ARK2C: variants seen among roughly 807,000 people sequenced by gnomAD.
ARK2C encodes the protein arkadia (RNF111) C-terminal like ring finger ubiquitin ligase 2C.
chr18:46,406,171 C>A, the ARK2C span, among the ~76,000 whole-genome samples: 2 of 152,190 alleles, frequency 1.3e-5, no homozygotes, highest in South Asian at 2.1e-4. Context: ...CCCATGTGCA[C>A]CCCCAATACG....
At chr18:46,339,013 T>C in the ARK2C span, among the ~76,000 whole-genome samples, 13 of 152,192 alleles carry the variant, frequency 8.5e-5, no homozygotes, top group Non-Finnish European at 1.8e-4. Context: ...TCTCGTGCTC[T>C]TCCCAGCCTG....
chr18:46,447,706 G>A, the ARK2C span: 140 of 1,614,088 alleles, frequency 8.7e-5, 1 homozygote, highest in African/African-American at 1.7e-3. Flanking sequence ...AGTGAAAGAA[G>A]ACGGACTCCC....
At chr18:46,361,006 T>C in the ARK2C span, among the ~76,000 whole-genome samples, 2 of 152,230 alleles carry the variant, frequency 1.3e-5, no homozygotes, top group East Asian at 3.8e-4. Context: ...ACATTACCTT[T>C]TCTGCAAGTG....
At chr18:46,369,262 C>G in the ARK2C span, among the ~76,000 whole-genome samples, 1 of 152,106 alleles carries the variant, frequency 6.6e-6, no homozygotes, top group Admixed American at 6.6e-5. Context: ...TTCAAGGTGG[C>G]AGCATCCATC....
chr18:46,449,843 G>T, the ARK2C span, among the ~76,000 whole-genome samples: 1 of 152,106 alleles, frequency 6.6e-6, no homozygotes, highest in African/African-American at 2.4e-5. Context: ...CTTCATAGCA[G>T]AGTGAGAATG....
chr18:46,352,844 C>T, the ARK2C span, among the ~76,000 whole-genome samples: 2 of 152,196 alleles, frequency 1.3e-5, no homozygotes, highest in Non-Finnish European at 2.9e-5. Flanking sequence ...AAGGAGAGAA[C>T]AGATAATGGG....
chr18:46,454,582 G>C, the ARK2C span, among the ~76,000 whole-genome samples: 2 of 152,220 alleles, frequency 1.3e-5, no homozygotes, highest in African/African-American at 4.8e-5. Flanking sequence ...TGAGGTTACA[G>C]TATTCCCCAG....
chr18:46,392,047 C>T, the ARK2C span, among the ~76,000 whole-genome samples: 2 of 151,550 alleles, frequency 1.3e-5, no homozygotes, highest in Admixed American at 1.3e-4. Context: ...ATAATACATA[C>T]AACACACACA....
At chr18:46,412,500 T>C in the ARK2C span, among the ~76,000 whole-genome samples, 1 of 152,230 alleles carries the variant, frequency 6.6e-6, no homozygotes, top group Admixed American at 6.5e-5. Flanking sequence ...TGCTAGGAGA[T>C]GAGCCTCATA....
chr18:46,336,538 A>T, the ARK2C span: 1 of 985,456 alleles, frequency 1.0e-6, no homozygotes, highest in Non-Finnish European at 1.2e-6. Flanking sequence ...CCGATAGAGG[A>T]TACTAATGCT....
At chr18:46,383,505 A>G in the ARK2C span, among the ~76,000 whole-genome samples, 4 of 149,766 alleles carry the variant, frequency 2.7e-5, no homozygotes, top group East Asian at 7.9e-4. Flanking sequence ...TTGGTATTAT[A>G]TTCTCCATTG....
At chr18:46,344,544 G>A in the ARK2C span, among the ~76,000 whole-genome samples, 29 of 152,280 alleles carry the variant, frequency 1.9e-4, no homozygotes, top group East Asian at 4.1e-3. Context: ...CACCCCCAGC[G>A]TGGAGACACT....
chr18:46,445,396 A>T, the ARK2C span, among the ~76,000 whole-genome samples: 1 of 152,134 alleles, frequency 6.6e-6, no homozygotes, highest in Non-Finnish European at 1.5e-5. Flanking sequence ...TGGAATATGA[A>T]TCTTTCCCAG....
At chr18:46,414,182 T>A in the ARK2C span, among the ~76,000 whole-genome samples, 1 of 152,232 alleles carries the variant, frequency 6.6e-6, no homozygotes, top group East Asian at 1.9e-4. Flanking sequence ...GCTGCTTGCC[T>A]AAGGCCACAT....
At chr18:46,432,205 G>A in the ARK2C span, among the ~76,000 whole-genome samples, 3 of 152,200 alleles carry the variant, frequency 2.0e-5, no homozygotes, top group Non-Finnish European at 4.4e-5. Context: ...TTTGCTTAGA[G>A]AGAATTTGTA....
At chr18:46,348,903 T>TGTGTGC in the ARK2C span, among the ~76,000 whole-genome samples, 54 of 846 alleles carry the variant, frequency 0.064, 1 homozygote, top group Non-Finnish European at 0.13. Flanking sequence ...TCTCTTTCTG[T>TGTGTGC]GTGTGTGTGT....
At chr18:46,358,069 C>T in the ARK2C span, among the ~76,000 whole-genome samples, 1 of 152,162 alleles carries the variant, frequency 6.6e-6, no homozygotes, top group Non-Finnish European at 1.5e-5. Context: ...AACTTGATCA[C>T]ATCTTCAAAG....
At chr18:46,419,267 G>T in the ARK2C span, among the ~76,000 whole-genome samples, 7 of 152,138 alleles carry the variant, frequency 4.6e-5, no homozygotes, top group Admixed American at 4.6e-4. Flanking sequence ...TTGGGAATAT[G>T]TCCAGTTCAA....
the ARK2C span, among the ~76,000 whole-genome samples, chr18:46,355,493 C>T: frequency 6.6e-6 from 1 of 152,160 alleles, no homozygotes; most frequent in Non-Finnish European, 1.5e-5. Flanking sequence ...CAGAAGTGCC[C>T]CAGTCTAATA....
Sources: allele counts gnomAD v4.1 joint callset (sites outside exome capture counted in the v4.1 genomes callset), GRCh38; gene constraint gnomAD v4.1.1; transcripts MANE v1.5; gene names NCBI Gene and HGNC (gene_info 2026-07-23, HGNC 2026-07-21).